The following CTSO variants were observed in gnomAD, a reference collection of about 807,000 sequenced individuals.
The protein encoded by CTSO is cathepsin O.
In CTSO, 40 loss-of-function variants were observed where a neutral mutation model predicts 42.4. The ratio of observed to expected loss-of-function variants is 0.94; its 90% CI spans 0.73 to 1.23. The LOEUF (loss-of-function observed/expected upper bound fraction) is 1.23. CTSO is among the 50% of genes most tolerant of loss of function. The pLI, the probability that CTSO is intolerant of heterozygous loss-of-function variation, is 0.00. For synonymous variants in CTSO, 156 were observed against 146.2 expected (o/e 1.07, Z -0.48); for missense variants, 441 against 396.0 (o/e 1.11, Z -0.96).
At chr4:155,951,736 C>T (rs1743677136) in intron 1 of CTSO, among the ~76,000 whole-genome samples, 1 of 152,154 alleles carries the variant, frequency 6.6e-6, no homozygotes, top group Non-Finnish European at 1.5e-5. Context: ...AACTTGATTT[C>T]AACAAGAAGT....
rs1171976621 is a variant in CTSO at position 155,924,260 on chromosome 4, C to T, written c.*1776G>A. 3 of 152,138 alleles carry T rather than the reference C, an allele frequency of 2.0e-5. No individual in the cohort carries two copies. The East Asian group carries it at 5.8e-4, about 29-fold the overall frequency. 9.4% of individuals were successfully genotyped at this position (152,138 alleles called of 1,614,324 possible). Reference sequence around the variant, plus strand: ...GAGTATTACAAATGCATCTATATCACATAGAAAGTCAGCGAATACAAACTA... The same window carrying T: ...GAGTATTACAAATGCATCTATATCATATAGAAAGTCAGCGAATACAAACTA... On this transcript the variant is annotated 3_prime_UTR_variant, in exon 8 of 8. Transcript: ENST00000433477.
At chr4:155,940,065 C>A (rs535083358) in intron 3 of CTSO, among the ~76,000 whole-genome samples, 4 of 152,264 alleles carry the variant, frequency 2.6e-5, no homozygotes, top group South Asian at 4.1e-4. Flanking sequence ...TAATGAATTA[C>A]TCTTTAGGCT....
chr4:155,927,243 G>A (rs1238953353), intron 7 of CTSO, among the ~76,000 whole-genome samples: 1 of 152,098 alleles, frequency 6.6e-6, no homozygotes, highest in Non-Finnish European at 1.5e-5. Context: ...TATTTAATCA[G>A]TCTCATAATC....
At chr4:155,946,423 G>A (rs1172065710) in intron 1 of CTSO, among the ~76,000 whole-genome samples, 2 of 152,136 alleles carry the variant, frequency 1.3e-5, no homozygotes, top group Non-Finnish European at 2.9e-5. Flanking sequence ...AATTTTCAAT[G>A]ATGATTCCAA....
intron 1 of CTSO, among the ~76,000 whole-genome samples, chr4:155,949,951 A>C (rs1463887437): frequency 6.6e-6 from 1 of 152,190 alleles, no homozygotes; most frequent in African/African-American, 2.4e-5. Flanking sequence ...ATCCATTCTC[A>C]AATGTCAATA....
rs1250069302 is a variant in CTSO at position 155,925,337 on chromosome 4, A to G, written c.*699T>C. 1 of 152,230 alleles carries G rather than the reference A, an allele frequency of 6.6e-6. No individual in the cohort carries two copies. Among genetic ancestry groups the G allele is most frequent in the Non-Finnish European group, 1.5e-5 (1 of 68,052 alleles). 9.4% of individuals were successfully genotyped at this position (152,230 alleles called of 1,614,324 possible). The stretch of plus-strand genomic sequence containing the variant: ...TATTGGATTCCTATTCACAATGAAA[A>G]TTATCAAACAATAATTTGTCTCTCA... On this transcript the variant is annotated 3_prime_UTR_variant, in exon 8 of 8. Coordinates refer to ENST00000433477, the MANE Select transcript of CTSO (RefSeq NM_001334.3).
At chr4:155,948,274 C>G (rs1460680681) in intron 1 of CTSO, among the ~76,000 whole-genome samples, 2 of 152,082 alleles carry the variant, frequency 1.3e-5, no homozygotes, top group African/African-American at 2.4e-5. Flanking sequence ...CAAATTCATA[C>G]CTAGGACCCT....
intron 5 of CTSO, 119 bp from the exon 6 acceptor site, chr4:155,929,824 C>A: frequency 1.1e-6 from 1 of 877,014 alleles, no homozygotes; most frequent in Non-Finnish European, 1.7e-6. Flanking sequence ...AGGACCTAAA[C>A]AATGGAAGCT....
At position 155,929,587 on chromosome 4, in the gene CTSO, C is replaced by T. The variant is rs751838108; in HGVS notation, c.793G>A (p.Gly265Arg). The change falls in exon 6 of 8, where the codon GGA becomes AGA. Residue 265 changes from glycine to arginine, a missense_variant. Coordinates refer to ENST00000433477, the MANE Select transcript of CTSO (RefSeq NM_001334.3). ...ATGAGAACTGCATGATTTGCTTCTC[C>T]ACTAGAGCAGTGATGCTGTATAATG... Reference protein sequence around the residue: ...GGIIQHHCSSGEANHAVLITG... With the variant: ...GGIIQHHCSSREANHAVLITG... The T allele has an allele frequency of 6.2e-7, 1 of 1,613,730 alleles. No homozygotes were observed.
At chr4:155,930,397 C>T (rs574583690) in intron 5 of CTSO, among the ~76,000 whole-genome samples, 22 of 152,030 alleles carry the variant, frequency 1.4e-4, no homozygotes, top group East Asian at 5.8e-4. Context: ...TTAGGATGCC[C>T]GGAGAACTAG....
chr4:155,929,842 A>G, intron 5 of CTSO, 137 bp from the exon 6 acceptor site: 1 of 701,056 alleles, frequency 1.4e-6, no homozygotes, highest in Non-Finnish European at 2.3e-6. Flanking sequence ...GCTAAGTCTG[A>G]GAGACTGGTA....
intron 5 of CTSO, among the ~76,000 whole-genome samples, chr4:155,936,411 T>C (rs894341987): frequency 9.2e-5 from 14 of 152,214 alleles, no homozygotes; most frequent in Non-Finnish European, 1.6e-4. Flanking sequence ...AGATACCATC[T>C]GGATCAAGGG....
chr4:155,941,440 C>A (rs1313461321), intron 3 of CTSO, among the ~76,000 whole-genome samples: 1 of 152,214 alleles, frequency 6.6e-6, no homozygotes, highest in Non-Finnish European at 1.5e-5. Context: ...TTCAAAGGCA[C>A]CTCCTTCCAC....
chr4:155,947,702 A>G (rs1173342170), intron 1 of CTSO, among the ~76,000 whole-genome samples: 1 of 152,180 alleles, frequency 6.6e-6, no homozygotes, highest in African/African-American at 2.4e-5. Flanking sequence ...GATTCTGGCT[A>G]TTAAAGATTT....
At chr4:155,929,465 T>C in intron 6 of CTSO, 77 bp downstream of exon 6, 1 of 1,418,548 alleles carries the variant, frequency 7.0e-7, no homozygotes, top group Non-Finnish European at 9.5e-7. Flanking sequence ...CAAATTTCAA[T>C]GTTCTACAGT....
intron 1 of CTSO, among the ~76,000 whole-genome samples, chr4:155,945,117 C>T (rs1423296492): frequency 4.0e-5 from 6 of 151,820 alleles, no homozygotes; most frequent in East Asian, 3.9e-4. Flanking sequence ...ATTAGCCGGG[C>T]GTGGTGGTGG....
Position 155,928,331 on chromosome 4 carries a change from CT to C in CTSO, c.931+4del. On this transcript the variant is annotated splice_donor_region_variant and intron_variant, in intron 7 of 7. Coordinates refer to ENST00000433477, the MANE Select transcript of CTSO (RefSeq NM_001334.3). The stretch of plus-strand genomic sequence containing the variant: ...TGAGGTTTTAAACACAAACTCATGA[CT>C]TACCACAAACATTACTTCCCATTTT... 2 of 1,603,246 alleles carry C rather than the reference CT, an allele frequency of 1.2e-6. No individual in the cohort carries two copies. The highest frequency in any genetic ancestry group is 4.5e-5 in the East Asian group (2 of 44,668).
chr4:155,937,569 C>A, intron 4 of CTSO, 86 bp from the exon 5 acceptor site: 2 of 1,169,556 alleles, frequency 1.7e-6, no homozygotes, highest in South Asian at 1.3e-5. Context: ...AAAACAGGTT[C>A]AATTTCACAC....
At chr4:155,933,570 A>G (rs1051984210) in intron 5 of CTSO, among the ~76,000 whole-genome samples, 1 of 152,184 alleles carries the variant, frequency 6.6e-6, no homozygotes, top group African/African-American at 2.4e-5. Context: ...AAAATGTGGG[A>G]AAGTTTGGAA....
Sources: gnomAD v4.1 joint callset for allele counts (sites outside exome capture counted in the v4.1 genomes callset) on GRCh38, gnomAD v4.1.1 for gene constraint, MANE v1.5 for transcripts, NCBI Gene and HGNC (gene_info 2026-07-23, HGNC 2026-07-21) for gene names.